Variants in TNFSF10 observed in about 807,000 individuals in gnomAD.
TNFSF10 encodes the protein tumor necrosis factor ligand superfamily member 10.
TNFSF10 carries 13 observed loss-of-function variants against 29.5 expected under a neutral mutation model. That is an observed-to-expected ratio of 0.44 (90% CI 0.29 to 0.70). The LOEUF (loss-of-function observed/expected upper bound fraction) is 0.70, where lower values mean the gene tolerates loss of function less well. Among genes scored for constraint, TNFSF10 ranks in the 30% least tolerant of loss-of-function variants. The probability of loss-of-function intolerance (pLI) is 0.13; values close to 1 mark genes in which losing one functional copy is unlikely to be tolerated. For missense variants in TNFSF10, 345 were observed against 330.9 expected, an observed-to-expected ratio of 1.04 and a Z score of -0.33; for synonymous variants, 111 against 112.8, an observed-to-expected ratio of 0.98 and a Z score of 0.10.
chr3:172,518,508 G>A, intron 1 of TNFSF10: 1 of 1,263,920 alleles, frequency 7.9e-7, no homozygotes, highest in Non-Finnish European at 1.0e-6. Flanking sequence ...TCCGTGGAGA[G>A]GAAGCCCTTC....
intron 4 of TNFSF10, chr3:172,507,538 T>C (rs1042579881): frequency 1.3e-5 from 2 of 152,234 alleles, no homozygotes; most frequent in African/African-American, 2.4e-5. Context: ...CTCAAAGGTT[T>C]TGAATGAAAA....
At chr3:172,508,653 G>A (rs760089667) in intron 4 of TNFSF10, among the ~76,000 whole-genome samples, 1 of 152,180 alleles carries the variant, frequency 6.6e-6, no homozygotes, top group Non-Finnish European at 1.5e-5. Context: ...ACTTTGGGAG[G>A]CCGAGGTGGG....
chr3:172,508,335 T>A lies in TNFSF10; in HGVS notation c.418+882A>T, dbSNP rs372919347. On this transcript the variant is annotated intron_variant, in intron 4 of 4. Coordinates refer to ENST00000241261, the MANE Select transcript of TNFSF10 (RefSeq NM_003810.4). ...AAAACAAAAAAATACCCATGCACAG[T>A]ATTACATAGCAACATATCGACACAT... 3.4e-4 allele frequency among the ~76,000 whole-genome samples: 52 copies of A among 152,068 alleles called. No individual in the cohort carries two copies. The Middle Eastern group carries it at 0.01, about 30-fold the overall frequency.
Position 172,505,641 on chromosome 3 carries a change from AAAC to A in TNFSF10, c.*848_*850del, listed in dbSNP as rs1183308541. 2.6e-5 allele frequency: 4 copies of A among 152,178 alleles called. No individual in the cohort carries two copies. Among genetic ancestry groups the A allele is most frequent in the African/African-American group, 9.7e-5 (4 of 41,442 alleles). The allele number at this position is 152,178 out of a possible 1,614,324, so 9.4% of individuals were successfully genotyped here. ...ATGAAACAAGTGAGTACTAAAACAA[AAAC>A]AACAATAAATATGAGCACTACAGCA... On this transcript the variant is annotated 3_prime_UTR_variant, in exon 5 of 5. Transcript: ENST00000241261.
intron 2 of TNFSF10, among the ~76,000 whole-genome samples, chr3:172,514,046 C>T (rs1218408303): frequency 6.6e-6 from 1 of 152,080 alleles, no homozygotes; most frequent in Admixed American, 6.6e-5. Context: ...ACCATGTTGG[C>T]CAGGCTGGTC....
intron 4 of TNFSF10, among the ~76,000 whole-genome samples, 174 bp from the exon 5 acceptor site, chr3:172,507,093 T>C (rs776948407): frequency 7.9e-5 from 12 of 152,210 alleles, no homozygotes; most frequent in Admixed American, 3.9e-4. Flanking sequence ...TCTAGTCACA[T>C]AGAAATTGGG....
chr3:172,517,420 A>T (rs1263441048), intron 1 of TNFSF10: 15 of 985,222 alleles, frequency 1.5e-5, no homozygotes, highest in Admixed American at 1.2e-4. Flanking sequence ...TAATGTAGCT[A>T]CATTATTACC....
intron 1 of TNFSF10, among the ~76,000 whole-genome samples, chr3:172,522,639 T>A (rs1713748768): frequency 6.6e-6 from 1 of 152,246 alleles, no homozygotes; most frequent in Admixed American, 6.5e-5. Flanking sequence ...AAAGGAAGTT[T>A]ACAAGACATG....
chr3:172,506,503 A>C lies in TNFSF10; in HGVS notation c.835T>G (p.Leu279Val). The C allele has an allele frequency of 6.2e-7, 1 of 1,603,866 alleles. No individual in the cohort carries two copies. Among genetic ancestry groups the C allele is most frequent in the East Asian group, 2.2e-5 (1 of 44,834 alleles). ...DHEASFFGAF[L>V]VG is the part of the protein sequence containing the mutation. The stretch of plus-strand genomic sequence containing the variant: ...TCTTTCCAGGTCAGTTAGCCAACTA[A>C]AAAGGCCCCAAAAAAACTGGCTTCA... Residue 279 changes from leucine to valine, a missense_variant, in exon 5 of 5, where the codon TTA (leucine) becomes GTA (valine). Coordinates refer to ENST00000241261, the MANE Select transcript of TNFSF10 (RefSeq NM_003810.4).
intron 1 of TNFSF10, chr3:172,522,216 T>A (rs1362525039): frequency 6.5e-6 from 3 of 458,264 alleles, no homozygotes; most frequent in East Asian, 4.6e-5. Flanking sequence ...AATAAAAAAA[T>A]TTAAAAATAA....
At chr3:172,518,463 AAACTGCAAATAGCAT>A in intron 1 of TNFSF10, 1 of 1,289,304 alleles carries the variant, frequency 7.8e-7, no homozygotes, top group Non-Finnish European at 1.0e-6. Context: ...CATTTTCTGC[AAACTGCAAATAGCAT>A]AAAGGATCAT....
At chr3:172,517,426 T>C in intron 1 of TNFSF10, 1 of 985,082 alleles carries the variant, frequency 1.0e-6, no homozygotes, top group Non-Finnish European at 1.2e-6. Flanking sequence ...AGCTACATTA[T>C]TACCCAGGAG....
In TNFSF10 at chr3:172,509,255, G is replaced by C. The variant is rs1472316767; in HGVS notation, c.380C>G (p.Thr127Ser). 4 of 1,613,776 alleles carry C rather than the reference G, an allele frequency of 2.5e-6. No homozygotes were observed. The African/African-American group carries it at 5.3e-5, about 22-fold the overall frequency. The change falls in exon 4 of 5, where the codon ACT becomes AGT. Residue 127 changes from threonine to serine, a missense_variant. By Grantham distance (58) the Thr-to-Ser change is moderately conservative. Transcript: ENST00000241261. The stretch of plus-strand genomic sequence containing the variant: ...TGTGTTGCTTCTTCCTCTGGTCCCA[G>C]TTATGTGAGCTGCTACTCTCTGAGG... Reference protein sequence around the residue: ...RGPQRVAAHITGTRGRSNTLS... With the variant: ...RGPQRVAAHISGTRGRSNTLS...
In TNFSF10 at chr3:172,506,852, T is replaced by C. The variant is rs1199357818; in HGVS notation, c.486A>G (p.Ser162=). ...TCCTCAAGTGCAAGTTGCTCAGGAA[T>C]GAATGCCCACTCCTTGATGATTCCC... The part of the protein sequence containing the change: ...NSWESSRSGH[S]FLSNLHLRNG... The change falls in exon 5 of 5, where the codon TCA becomes TCG. Residue 162 remains serine (S), a synonymous_variant. Transcript: ENST00000241261. The C allele has an allele frequency of 6.2e-7, 1 of 1,614,216 alleles. No homozygotes were observed.
intron 1 of TNFSF10, among the ~76,000 whole-genome samples, chr3:172,519,325 A>G (rs1713580486): frequency 6.6e-6 from 1 of 151,938 alleles, no homozygotes; most frequent in East Asian, 1.9e-4. Context: ...GTAGAATTGA[A>G]AAAGAAATTT....
chr3:172,506,424 C>T lies in TNFSF10; in HGVS notation c.*68G>A. 6.7e-7 allele frequency: 1 copy of T among 1,495,646 alleles called. No homozygotes were observed. Among genetic ancestry groups the T allele is most frequent in the East Asian group, 2.3e-5 (1 of 43,954 alleles). The allele number at this position is 1,495,646 out of a possible 1,614,324, so 92.6% of individuals were successfully genotyped here. A position where few individuals can be genotyped will look rare whatever the true frequency, so the allele number is the denominator to read the frequency against. On this transcript the variant is annotated 3_prime_UTR_variant, in exon 5 of 5. Coordinates refer to ENST00000241261, the MANE Select transcript of TNFSF10 (RefSeq NM_003810.4). ...GTTTTGGTCAGATTTTTTGAAACAT[C>T]TTCATAGTGTATCATCCTGAAAACT...
Position 172,523,405 on chromosome 3 carries a change from G to A in TNFSF10, c.-21C>T. 1 of 1,599,050 alleles carries A rather than the reference G, an allele frequency of 6.3e-7. No homozygotes were observed. The highest frequency in any genetic ancestry group is 1.1e-5 in the South Asian group (1 of 90,484). ...GCCATGATCCTGTCAGAGTCTGACT[G>A]CTGTAAGTCAGCCAGGCAGCCGGTC... On this transcript the variant is annotated 5_prime_UTR_variant, in exon 1 of 5. Coordinates refer to ENST00000241261, the MANE Select transcript of TNFSF10 (RefSeq NM_003810.4).
intron 1 of TNFSF10, chr3:172,517,391 G>A: frequency 7.1e-6 from 7 of 985,290 alleles, no homozygotes; most frequent in Non-Finnish European, 8.4e-6. Flanking sequence ...GGGTATAAGT[G>A]GATGGGAGGT....
chr3:172,518,940 T>TAA lies in TNFSF10; in HGVS notation c.133-3944_133-3943dup, dbSNP rs3216506. 7.9e-5 allele frequency among the ~76,000 whole-genome samples: 12 copies of TAA among 151,802 alleles called. 1 individual carries two copies. The South Asian group carries it at 2.3e-3, about 29-fold the overall frequency. ...TGTATTGTATTGAAAAAATGTATTG[T>TAA]AAAAAAAAGTAGGTGCTTCAATTTA... On this transcript the variant is annotated intron_variant, in intron 1 of 4. Transcript: ENST00000241261.
Sources: gnomAD v4.1 joint callset for allele counts (sites outside exome capture counted in the v4.1 genomes callset) on GRCh38, gnomAD v4.1.1 for gene constraint, MANE v1.5 for transcripts, NCBI Gene and HGNC (gene_info 2026-07-23, HGNC 2026-07-21) for gene names.